The following SEMA4D variants were observed in gnomAD, a reference collection of about 807,000 sequenced individuals.
The protein encoded by SEMA4D is semaphorin-4D.
In SEMA4D, 22 loss-of-function variants were observed where a neutral mutation model predicts 74.8. The observed-to-expected ratio is 0.29, with a 90% CI of 0.21 to 0.42. SEMA4D has a LOEUF of 0.42. Among genes scored for constraint, SEMA4D ranks in the 10% least tolerant of loss-of-function variants. SEMA4D has a pLI of 1.00. For synonymous variants in SEMA4D, 445 were observed against 463.7 expected (o/e 0.96, Z 0.52); for missense variants, 937 against 1,118.4 (o/e 0.84, Z 2.31).
Position 89,389,012 on chromosome 9 carries a change from T to C in SEMA4D, c.810A>G (p.Lys270=). 6.2e-7 allele frequency: 1 copy of C among 1,614,002 alleles called. No individual in the cohort carries two copies. Among genetic ancestry groups the C allele is most frequent in the Non-Finnish European group, 8.5e-7 (1 of 1,179,998 alleles). Residue 270 remains lysine, a synonymous_variant, in exon 10 of 16, where the codon AAA becomes AAG. Coordinates refer to ENST00000422704, the MANE Select transcript of SEMA4D (RefSeq NM_001371194.2). ...DQGGLRTLQK[K]WTSFLKARLI... is the part of the protein sequence containing the mutation. ...GTCGGGCTTTCAGGAAGGAGGTCCA[T>C]TTCTTCTGCAAGGTCCTCAGGCCGC...
Position 89,405,413 on chromosome 9 carries a change from G to T in SEMA4D, c.44C>A (p.Ala15Glu), listed in dbSNP as rs1432256992. ...TPIRGLLMALAVMFGTAMAFA... is the reference protein window; with the variant it reads ...TPIRGLLMALEVMFGTAMAFA... ...TGCCATCGCTGTCCCAAACATCACT[G>T]CAAGGGCCATGAGCAGCCCCCTAAT... The change falls in exon 3 of 16, where the codon GCA becomes GAA. Residue 15 changes from alanine (A) to glutamate (E), a missense_variant. By Grantham distance (107) the Ala-to-Glu change is moderately radical. Transcript: ENST00000422704. 6.2e-7 allele frequency: 1 copy of T among 1,614,008 alleles called. No individual in the cohort carries two copies. Among genetic ancestry groups the T allele is most frequent in the African/African-American group, 1.3e-5 (1 of 74,946 alleles).
intron 1 of SEMA4D, among the ~76,000 whole-genome samples, chr9:89,465,206 T>C (rs1858361852): frequency 6.6e-6 from 1 of 152,034 alleles, no homozygotes. Flanking sequence ...GATTCTCACT[T>C]TAAAAAGAGC....
At chr9:89,418,368 G>A in intron 2 of SEMA4D, 4 of 985,350 alleles carry the variant, frequency 4.1e-6, no homozygotes, top group Non-Finnish European at 4.8e-6. Context: ...GTTACCTGGT[G>A]CTAGAGATGA....
Position 89,437,285 on chromosome 9 carries a change from C to G in SEMA4D, c.-244+18603G>C, listed in dbSNP as rs980370731. ...AGCTCTGGCAGTTTTTATTTTTCTG[C>G]AGGCCAGGTTTTCCTCCCACAGCGG... is the stretch of plus-strand genomic sequence containing the variant. On this transcript the variant is annotated intron_variant, in intron 2 of 15. Transcript: ENST00000422704. Among the ~76,000 whole-genome samples, 14 of 152,340 alleles carry G rather than the reference C, an allele frequency of 9.2e-5. No homozygotes were observed. The East Asian group carries it at 2.5e-3, about 27-fold the overall frequency.
intron 16 of SEMA4D, chr9:89,367,854 A>C (rs996356996): frequency 6.6e-6 from 1 of 152,280 alleles, no homozygotes; most frequent in Non-Finnish European, 1.5e-5. Context: ...CCTGGGCTCC[A>C]GCACTCAGCC....
chr9:89,412,986 C>A (rs758041489), intron 2 of SEMA4D, among the ~76,000 whole-genome samples: 3 of 152,136 alleles, frequency 2.0e-5, no homozygotes, highest in Non-Finnish European at 4.4e-5. Context: ...ACATTAAGGA[C>A]CTCACTCTAA....
chr9:89,399,871 G>A (rs1168620188), intron 4 of SEMA4D, among the ~76,000 whole-genome samples: 4 of 151,816 alleles, frequency 2.6e-5, no homozygotes, highest in Non-Finnish European at 4.4e-5. Context: ...GGTGGCGGGC[G>A]CCTGTAATCC....
intron 2 of SEMA4D, among the ~76,000 whole-genome samples, chr9:89,438,696 C>T (rs956842898): frequency 7.2e-5 from 11 of 152,052 alleles, no homozygotes; most frequent in African/African-American, 2.4e-4. Flanking sequence ...GACGGAGTCT[C>T]GCTCTGTCGC....
chr9:89,369,590 C>T (rs1170236787), intron 16 of SEMA4D: 1 of 72,620 alleles, frequency 1.4e-5, no homozygotes, highest in Non-Finnish European at 2.5e-5. Context: ...CACAACCCAT[C>T]GCCATTCATC....
chr9:89,449,006 G>C (rs2135366142), intron 2 of SEMA4D, among the ~76,000 whole-genome samples: 1 of 152,294 alleles, frequency 6.6e-6, no homozygotes, highest in Admixed American at 6.5e-5. Context: ...GATGCATTCA[G>C]GGTACAGCTG....
chr9:89,461,700 C>CTCTCTTTTTTTTTTTT (rs71281350), intron 1 of SEMA4D, among the ~76,000 whole-genome samples: 1 of 103,646 alleles, frequency 9.6e-6, no homozygotes, highest in Admixed American at 1.1e-4. Flanking sequence ...TCTTTTTTCT[C>CTCTCTTTTTTTTTTTT]TTTTTTTTTT....
At chr9:89,410,406 G>T (rs1479596148) in intron 2 of SEMA4D, among the ~76,000 whole-genome samples, 2 of 152,174 alleles carry the variant, frequency 1.3e-5, no homozygotes, top group African/African-American at 4.8e-5. Context: ...CACCAGAGCT[G>T]ACTGATTTGA....
intron 8 of SEMA4D, among the ~76,000 whole-genome samples, chr9:89,391,659 T>C (rs1839903645): frequency 6.6e-6 from 1 of 152,228 alleles, no homozygotes; most frequent in Non-Finnish European, 1.5e-5. Flanking sequence ...CGACAGTGGT[T>C]CTGCAGTGCA....
intron 1 of SEMA4D, among the ~76,000 whole-genome samples, chr9:89,497,039 G>C (rs1170562792): frequency 6.6e-6 from 1 of 152,198 alleles, no homozygotes; most frequent in Non-Finnish European, 1.5e-5. Flanking sequence ...CCGGAAAGCA[G>C]GACCCAGCCC....
At chr9:89,400,595 A>G (rs892653826) in intron 4 of SEMA4D, among the ~76,000 whole-genome samples, 24 of 152,306 alleles carry the variant, frequency 1.6e-4, no homozygotes, top group African/African-American at 5.8e-4. Context: ...ATAGAAATGG[A>G]AGTCCTGATA....
At chr9:89,422,094 A>G (rs548564118) in intron 2 of SEMA4D, among the ~76,000 whole-genome samples, 2 of 152,344 alleles carry the variant, frequency 1.3e-5, no homozygotes, top group East Asian at 3.9e-4. Flanking sequence ...ACGATCTCTA[A>G]AAAGGTTACA....
intron 9 of SEMA4D, among the ~76,000 whole-genome samples, chr9:89,390,108 T>C (rs1839487881): frequency 6.6e-6 from 1 of 152,208 alleles, no homozygotes; most frequent in Non-Finnish European, 1.5e-5. Flanking sequence ...TCACTGATCC[T>C]GCTGCAAACC....
At chr9:89,449,313 G>A (rs750730487) in intron 2 of SEMA4D, among the ~76,000 whole-genome samples, 3 of 152,344 alleles carry the variant, frequency 2.0e-5, no homozygotes, top group Admixed American at 6.5e-5. Flanking sequence ...CTACAGAGGC[G>A]GGGCCTGAGC....
chr9:89,409,375 C>T (rs1564668789), intron 2 of SEMA4D, among the ~76,000 whole-genome samples: 1 of 152,156 alleles, frequency 6.6e-6, no homozygotes, highest in Non-Finnish European at 1.5e-5. Flanking sequence ...ATGTACAACA[C>T]CAACTGGCAA....
Sources: gnomAD v4.1 joint callset for allele counts (sites outside exome capture counted in the v4.1 genomes callset) on GRCh38, gnomAD v4.1.1 for gene constraint, MANE v1.5 for transcripts, NCBI Gene and HGNC (gene_info 2026-07-23, HGNC 2026-07-21) for gene names.